HMCN2: variants seen among roughly 807,000 people sequenced by gnomAD.
HMCN2 encodes hemicentin-2.
A neutral mutation model predicts 377.5 loss-of-function variants in HMCN2; 325 were observed. That is an observed-to-expected ratio of 0.86 (90% CI 0.79 to 0.94). The LOEUF is 0.94. Ranked by LOEUF, HMCN2 falls within the 40% of genes least tolerant of loss-of-function variation. HMCN2 has a pLI of 0.00. For synonymous variants in HMCN2, 2,007 were observed against 2,046.8 expected, an observed-to-expected ratio of 0.98 and a Z score of 0.53; for missense variants, 4,543 against 4,725.3, an observed-to-expected ratio of 0.96 and a Z score of 1.13.
chr9:130,359,405 C>T lies in HMCN2; in HGVS notation c.5764C>T (p.Pro1922Ser). Residue 1922 changes from proline (P) to serine (S), a missense_variant, in exon 37 of 98, where the codon CCC becomes TCC. By Grantham distance (74) the Pro-to-Ser change is moderately conservative (BLOSUM62 -1). Transcript: ENST00000683500. ...CTTGGAGTGTCTGGCTTCGGGCGTG[C>T]CCCCTCCTGGTAAGACCCCTCCTCT... ...VTLECLASGVPPPDVSWFKGH... is the reference protein window; with the variant it reads ...VTLECLASGVSPPDVSWFKGH... 1.5e-6 allele frequency: 2 copies of T among 1,300,852 alleles called. No homozygotes were observed. The highest frequency in any genetic ancestry group is 2.0e-6 in the Non-Finnish European group (2 of 986,148). The allele number at this position is 1,300,852 out of a possible 1,614,324, so 80.6% of individuals were successfully genotyped here. A position where few individuals can be genotyped will look rare whatever the true frequency, so the allele number is the denominator to read the frequency against.
rs1181826270 is a variant in HMCN2, at chr9:130,286,100, G to C, written c.490-88G>C. The C allele has an allele frequency of 9.0e-6, 4 of 446,924 alleles. No individual in the cohort carries two copies. In the Admixed American group the frequency reaches 9.7e-5, roughly 11 times the overall value. The allele number at this position is 446,924 out of a possible 1,614,324, so 27.7% of individuals were successfully genotyped here. A position where few individuals can be genotyped will look rare whatever the true frequency, so the allele number is the denominator to read the frequency against. On this transcript the variant is annotated intron_variant, in intron 3 of 97. Transcript: ENST00000683500. ...AGACAGAGGAGAGGGCCCACTCCAG[G>C]TCACTCCACCCTGGTCGAGGTCCTG...
chr9:130,327,916 A>T (rs1460202386), intron 22 of HMCN2, among the ~76,000 whole-genome samples: 8 of 152,138 alleles, frequency 5.3e-5, no homozygotes, highest in Admixed American at 5.2e-4. Flanking sequence ...TGTCTGACTC[A>T]GCTGCTCCCG....
intron 6 of HMCN2, 108 bp downstream of exon 6, chr9:130,295,880 G>A: frequency 2.4e-6 from 1 of 413,260 alleles, no homozygotes; most frequent in Admixed American, 2.7e-5. Flanking sequence ...CTGATGGCTA[G>A]AGTGTGGGTG....
rs929941682 is a variant in HMCN2 at position 130,357,911 on chromosome 9, G to A, written c.5503G>A (p.Gly1835Arg). 9.2e-6 allele frequency: 12 copies of A among 1,304,106 alleles called. No homozygotes were observed. The highest frequency in any genetic ancestry group is 1.5e-5 in the African/African-American group (1 of 65,868). The allele number at this position is 1,304,106 out of a possible 1,614,324, so 80.8% of individuals were successfully genotyped here. Residue 1835 changes from glycine to arginine, a missense_variant, in exon 35 of 98, where the codon GGG becomes AGG. By Grantham distance (125) the Gly-to-Arg change is moderately radical. Around this residue, in one of 5 missense-constraint regions of HMCN2, gnomAD observed 1,032 missense variants for 1,285.1 expected, o/e 0.80. Coordinates refer to ENST00000683500, the MANE Select transcript of HMCN2 (RefSeq NM_001291815.2). ...GCAGCCTGTGACCCTCCAGTGCATA[G>A]GGGATGGGGTGCCCACCCCAAGCCT... ...FLQPVTLQCI[G>R]DGVPTPSLRW...
Position 130,425,715 on chromosome 9 carries a change from G to A in HMCN2, c.13670G>A (p.Gly4557Glu). The A allele has an allele frequency of 6.5e-7, 1 of 1,545,912 alleles. No individual in the cohort carries two copies. Among genetic ancestry groups the A allele is most frequent in the South Asian group, 1.2e-5 (1 of 83,974 alleles). The part of the protein sequence containing the change: ...QDFEEHYVQT[G>E]PGQLFVGSTQ... ...TTTGAGGAGCACTACGTGCAAACAG[G>A]GCCTGGCCAGCTGTTCGTGGGCTCC... Residue 4557 changes from glycine to glutamate, a missense_variant, in exon 90 of 98, where the codon GGG becomes GAG. Gly to Glu is a moderately conservative substitution (Grantham distance 98). Transcript: ENST00000683500.
Position 130,354,909 on chromosome 9 carries a change from A to G in HMCN2, c.5011A>G (p.Asn1671Asp), listed in dbSNP as rs564600880. 1 of 1,304,186 alleles carries G rather than the reference A, an allele frequency of 7.7e-7. No individual in the cohort carries two copies. The highest frequency in any genetic ancestry group is 1.2e-5 in the South Asian group (1 of 81,034). The allele number at this position is 1,304,186 out of a possible 1,614,324, so 80.8% of individuals were successfully genotyped here. A position where few individuals can be genotyped will look rare whatever the true frequency, so the allele number is the denominator to read the frequency against. ...CGAGGGGCTGCCCGTGGCAGAGAGCAACGAGTCGCGGCTGGAGACAGACGG... is the reference window on the plus strand; with the variant it reads ...CGAGGGGCTGCCCGTGGCAGAGAGCGACGAGTCGCGGCTGGAGACAGACGG... Reference protein sequence around the residue: ...HHEGLPVAESNESRLETDGSV... With the variant: ...HHEGLPVAESDESRLETDGSV... The change falls in exon 32 of 98, where the codon AAC becomes GAC. Residue 1671 changes from asparagine to aspartate, a missense_variant. By Grantham distance (23) the Asn-to-Asp change is conservative. Transcript: ENST00000683500.
chr9:130,432,491 C>G lies in HMCN2; in HGVS notation c.14830C>G (p.Arg4944Gly). 6.4e-7 allele frequency: 1 copy of G among 1,550,666 alleles called. No homozygotes were observed. The highest frequency in any genetic ancestry group is 8.7e-7 in the Non-Finnish European group (1 of 1,146,934). Reference protein sequence around the residue: ...CGPGQMCFNTRGSYQCVDTPC... With the variant: ...CGPGQMCFNTGGSYQCVDTPC... Reference sequence around the variant, plus strand: ...ACCCGGCCAGATGTGCTTCAACACCCGTGGCAGCTACCAGTGTGTGGACAC... The same window carrying G: ...ACCCGGCCAGATGTGCTTCAACACCGGTGGCAGCTACCAGTGTGTGGACAC... The change falls in exon 97 of 98, where the codon CGT becomes GGT. Residue 4944 changes from arginine (R) to glycine (G), a missense_variant. Around this residue, in one of 5 missense-constraint regions of HMCN2, gnomAD observed 1,155 missense variants for 1,157.7 expected, o/e 1.00. Coordinates refer to ENST00000683500, the MANE Select transcript of HMCN2 (RefSeq NM_001291815.2).
Position 130,323,147 on chromosome 9 carries a change from G to A in HMCN2, c.2920+1216G>A, listed in dbSNP as rs888882293. 1.2e-3 allele frequency among the ~76,000 whole-genome samples: 177 copies of A among 152,224 alleles called. 1 individual carries two copies. Among genetic ancestry groups the A allele is most frequent in the African/African-American group, 4.1e-3 (171 of 41,532 alleles). On this transcript the variant is annotated intron_variant, in intron 19 of 97. Coordinates refer to ENST00000683500, the MANE Select transcript of HMCN2 (RefSeq NM_001291815.2). Reference sequence around the variant, plus strand: ...AACTTCCCACTGTGCCCTCACAGCCGCTTCTGTGGGGCTAACATGAACAGG... The same window carrying A: ...AACTTCCCACTGTGCCCTCACAGCCACTTCTGTGGGGCTAACATGAACAGG...
At chr9:130,283,058 G>A (rs1045611512) in intron 1 of HMCN2, among the ~76,000 whole-genome samples, 3 of 152,102 alleles carry the variant, frequency 2.0e-5, no homozygotes, top group South Asian at 4.1e-4. Context: ...GCGACAGAGC[G>A]AGACTCTTTC....
chr9:130,344,512 T>A (rs1010894837), intron 25 of HMCN2, among the ~76,000 whole-genome samples: 13 of 151,046 alleles, frequency 8.6e-5, no homozygotes, highest in Non-Finnish European at 1.6e-4. Flanking sequence ...ATGTATGTGG[T>A]GTGTGTGGTG....
At position 130,304,938 on chromosome 9, in the gene HMCN2, G is replaced by T. The variant is rs557530514; in HGVS notation, c.1752G>T (p.Arg584Ser). ...ISGIIPTDGG[R>S]YQCVASNANG... is the part of the protein sequence containing the mutation. ...GCATCATCCCCACAGACGGCGGGAGGTACCAGTGTGTGGCCAGCAATGCCA... is the reference window on the plus strand; with the variant it reads ...GCATCATCCCCACAGACGGCGGGAGTTACCAGTGTGTGGCCAGCAATGCCA... The change falls in exon 11 of 98, where the codon AGG becomes AGT. Residue 584 changes from arginine to serine, a missense_variant. Arg to Ser is a moderately radical substitution (Grantham distance 110). Transcript: ENST00000683500. The surrounding 1 kb of genome is among the most constrained non-coding windows in gnomAD (Gnocchi z 4.3). 1 of 471,136 alleles carries T rather than the reference G, an allele frequency of 2.1e-6. No homozygotes were observed. The highest frequency in any genetic ancestry group is 1.5e-5 in the South Asian group (1 of 64,570). 29.2% of individuals were successfully genotyped at this position (471,136 alleles called of 1,614,324 possible). A position where few individuals can be genotyped will look rare whatever the true frequency, so the allele number is the denominator to read the frequency against.
chr9:130,331,365 G>A (rs1416243007), intron 22 of HMCN2, among the ~76,000 whole-genome samples: 1 of 152,170 alleles, frequency 6.6e-6, no homozygotes, highest in Non-Finnish European at 1.5e-5. Flanking sequence ...GTCCGAGGGT[G>A]GGAATGGTCA....
chr9:130,365,902 T>A lies in HMCN2; in HGVS notation c.6532T>A (p.Ser2178Thr), dbSNP rs1840666339. ...WVAPVFPLRE[S>T]HTLTVREGHP... ...TGCTCCAGTGTTCCCCTTGAGGGAA[T>A]CCCACACCCTGACTGTGAGAGAGGG... The change falls in exon 43 of 98, where the codon TCC (serine) becomes ACC (threonine). Residue 2178 changes from serine to threonine, a missense_variant. Transcript: ENST00000683500. The A allele has an allele frequency of 1.0e-6, 1 of 985,536 alleles. No homozygotes were observed. The highest frequency in any genetic ancestry group is 1.2e-6 in the Non-Finnish European group (1 of 829,872). 61.0% of individuals were successfully genotyped at this position (985,536 alleles called of 1,614,324 possible).
Position 130,368,392 on chromosome 9 carries a change from A to G in HMCN2, c.6742A>G (p.Asn2248Asp). ...AGGAACATACACCTGTGAATGCAGC[A>G]ACGTGGTGGGGAACAGCAGCCAGGA... ...QEGTYTCECS[N>D]VVGNSSQDLQ... Residue 2248 changes from asparagine to aspartate, a missense_variant, in exon 44 of 98, where the codon AAC (asparagine) becomes GAC (aspartate). By Grantham distance (23) the Asn-to-Asp change is conservative. Transcript: ENST00000683500. 1.0e-6 allele frequency: 1 copy of G among 986,070 alleles called. No homozygotes were observed. Among genetic ancestry groups the G allele is most frequent in the Non-Finnish European group, 1.2e-6 (1 of 830,184 alleles). The allele number at this position is 986,070 out of a possible 1,614,324, so 61.1% of individuals were successfully genotyped here. A position where few individuals can be genotyped will look rare whatever the true frequency, so the allele number is the denominator to read the frequency against.
chr9:130,352,554 G>T (rs1195003182), intron 30 of HMCN2, among the ~76,000 whole-genome samples: 1 of 152,212 alleles, frequency 6.6e-6, no homozygotes, highest in Non-Finnish European at 1.5e-5. Flanking sequence ...GGTAGCATCG[G>T]TGGTGAGTGA....
rs547223267 is a variant in HMCN2, at chr9:130,411,419, T to C, written c.12961+767T>C. Among the ~76,000 whole-genome samples the C allele has an allele frequency of 2.0e-5, 3 of 152,028 alleles. No homozygotes were observed. The East Asian group carries it at 5.8e-4, about 29-fold the overall frequency. ...GAGTTCAAGAACAGCCTGACCAGCATAGTGAAACCCTGTCTCTACTAAAAA... is the reference window on the plus strand; with the variant it reads ...GAGTTCAAGAACAGCCTGACCAGCACAGTGAAACCCTGTCTCTACTAAAAA... On this transcript the variant is annotated intron_variant, in intron 85 of 97. Transcript: ENST00000683500.
chr9:130,426,978 G>A (rs759293123), intron 90 of HMCN2, among the ~76,000 whole-genome samples: 1 of 152,136 alleles, frequency 6.6e-6, no homozygotes, highest in African/African-American at 2.4e-5. Context: ...CTGCCCCTCC[G>A]CACGGTCTCT....
chr9:130,387,926 A>G (rs1842105270), intron 61 of HMCN2, among the ~76,000 whole-genome samples: 1 of 152,216 alleles, frequency 6.6e-6, no homozygotes, highest in Non-Finnish European at 1.5e-5. Context: ...AAAAATAAAA[A>G]ATAAAGTAAC....
intron 1 of HMCN2, among the ~76,000 whole-genome samples, chr9:130,280,831 C>T (rs1487053716): frequency 6.6e-6 from 1 of 152,212 alleles, no homozygotes; most frequent in Non-Finnish European, 1.5e-5. Flanking sequence ...ATTGGCCAGG[C>T]GCAGTGGCTC....
Sources: gnomAD v4.1 joint callset for allele counts (sites outside exome capture counted in the v4.1 genomes callset) on GRCh38, gnomAD v4.1.1 for gene constraint, gnomAD v4.1.1 regional missense constraint, Gnocchi (gnomAD v3.1) non-coding constraint, MANE v1.5 for transcripts, NCBI Gene and HGNC (gene_info 2026-07-23, HGNC 2026-07-21) for gene names.